Variants in PPM1H observed in about 807,000 individuals in gnomAD.
The protein encoded by PPM1H is protein phosphatase 1H.
A neutral mutation model predicts 54.9 loss-of-function variants in PPM1H; 27 were observed. The observed-to-expected ratio is 0.49, with a 90% CI of 0.36 to 0.68. PPM1H has a LOEUF of 0.68. Ranked by LOEUF, PPM1H falls within the 30% of genes least tolerant of loss-of-function variation. PPM1H has a pLI of 0.00. For missense variants in PPM1H, 596 were observed against 667.8 expected (o/e 0.89, Z 1.19); for synonymous variants, 305 against 270.8 (o/e 1.13, Z -1.24).
chr12:62,694,606 C>A (rs1274150610), intron 6 of PPM1H, among the ~76,000 whole-genome samples: 1 of 152,224 alleles, frequency 6.6e-6, no homozygotes, highest in African/African-American at 2.4e-5. Flanking sequence ...CCACAGCCTG[C>A]ACAGCGGAGG....
chr12:62,932,098 T>A (rs1872156580), intron 1 of PPM1H, among the ~76,000 whole-genome samples: 1 of 151,584 alleles, frequency 6.6e-6, no homozygotes, highest in African/African-American at 2.4e-5. Context: ...TTTTTTTTTT[T>A]TAAATAGGTC....
chr12:62,673,132 T>G lies in PPM1H; in HGVS notation c.1246-5803A>C, dbSNP rs866069946. Among the ~76,000 whole-genome samples, 3 of 152,264 alleles carry G rather than the reference T, an allele frequency of 2.0e-5. No individual in the cohort carries two copies. The Middle Eastern group carries it at 0.01, about 518-fold the overall frequency. On this transcript the variant is annotated intron_variant, in intron 8 of 9. Transcript: ENST00000228705. ...TGGAGCTGCCAATAAACATTCAGTG[T>G]GGGGGAGCAGGAATAAGTCTGGGGG... is the stretch of plus-strand genomic sequence containing the variant.
intron 4 of PPM1H, among the ~76,000 whole-genome samples, chr12:62,782,757 C>G (rs1272339225): frequency 6.6e-6 from 1 of 152,168 alleles, no homozygotes; most frequent in Non-Finnish European, 1.5e-5. Context: ...TGGTAGTAAT[C>G]ATTTATAGAA....
intron 8 of PPM1H, among the ~76,000 whole-genome samples, chr12:62,676,323 G>T (rs767600550): frequency 6.6e-6 from 1 of 152,222 alleles, no homozygotes; most frequent in Non-Finnish European, 1.5e-5. Context: ...GTCTGGACCA[G>T]CTGCTGCAAA....
chr12:62,771,295 G>GACACACACACACACACAC (rs4026219), intron 4 of PPM1H, among the ~76,000 whole-genome samples: 6 of 131,876 alleles, frequency 4.5e-5, no homozygotes, highest in Non-Finnish European at 8.1e-5. Context: ...ACTTTGTGAA[G>GACACACACACACACACAC]ACACACACAC....
At chr12:62,786,572 A>T (rs552215642) in intron 4 of PPM1H, among the ~76,000 whole-genome samples, 2 of 152,304 alleles carry the variant, frequency 1.3e-5, no homozygotes, top group South Asian at 4.2e-4. Context: ...GTCCCTCATT[A>T]GTGGCTCCCA....
chr12:62,932,961 A>G (rs1343834701), intron 1 of PPM1H, among the ~76,000 whole-genome samples: 1 of 151,186 alleles, frequency 6.6e-6, no homozygotes, highest in Non-Finnish European at 1.5e-5. Flanking sequence ...TAACGTTTTT[A>G]TTTCAGTCAA....
At chr12:62,795,316 G>A (rs1404549627) in intron 3 of PPM1H, among the ~76,000 whole-genome samples, 2 of 151,902 alleles carry the variant, frequency 1.3e-5, no homozygotes, top group South Asian at 2.1e-4. Flanking sequence ...TTTTAACAGT[G>A]TATCCCTTTT....
intron 6 of PPM1H, among the ~76,000 whole-genome samples, chr12:62,714,196 G>A: frequency 6.6e-6 from 1 of 152,118 alleles, no homozygotes; most frequent in Admixed American, 6.5e-5. Flanking sequence ...ACTGAGATGT[G>A]GCTAGGGCAA....
chr12:62,697,196 G>A (rs1168422387), intron 6 of PPM1H, among the ~76,000 whole-genome samples: 5 of 151,404 alleles, frequency 3.3e-5, no homozygotes, highest in Middle Eastern at 6.8e-3. Context: ...GTGCGATCTC[G>A]GCTCACTGCA....
At chr12:62,918,964 T>C (rs1871707192) in intron 1 of PPM1H, among the ~76,000 whole-genome samples, 1 of 152,200 alleles carries the variant, frequency 6.6e-6, no homozygotes, top group South Asian at 2.1e-4. Flanking sequence ...ACCAATGCCT[T>C]CCTCCACTTT....
intron 5 of PPM1H, among the ~76,000 whole-genome samples, chr12:62,725,857 T>C (rs2076286870): frequency 6.6e-6 from 1 of 152,180 alleles, no homozygotes; most frequent in Non-Finnish European, 1.5e-5. Flanking sequence ...AGACGTGTCT[T>C]AGTTCTGAGG....
At chr12:62,814,380 G>C (rs1403107853) in intron 2 of PPM1H, among the ~76,000 whole-genome samples, 1 of 151,898 alleles carries the variant, frequency 6.6e-6, no homozygotes, top group East Asian at 1.9e-4. Flanking sequence ...CACCACACCT[G>C]GCTAATTTTT....
intron 1 of PPM1H, among the ~76,000 whole-genome samples, chr12:62,919,109 T>C (rs144697849): frequency 2.4e-3 from 370 of 152,374 alleles, no homozygotes; most frequent in African/African-American, 8.4e-3. Flanking sequence ...AGCATGAGTT[T>C]AATTAAACTT....
chr12:62,755,220 C>T (rs995754754), intron 4 of PPM1H: 3 of 683,810 alleles, frequency 4.4e-6, no homozygotes, highest in Non-Finnish European at 8.1e-6. Flanking sequence ...ATCCCTGAGA[C>T]ACTACGGTGA....
At chr12:62,916,112 C>T (rs1871613828) in intron 1 of PPM1H, among the ~76,000 whole-genome samples, 1 of 152,198 alleles carries the variant, frequency 6.6e-6, no homozygotes, top group Non-Finnish European at 1.5e-5. Flanking sequence ...CAATGTCTCC[C>T]CTGCTAACTT....
At chr12:62,870,590 A>G (rs1464078989) in intron 1 of PPM1H, among the ~76,000 whole-genome samples, 1 of 152,232 alleles carries the variant, frequency 6.6e-6, no homozygotes, top group African/African-American at 2.4e-5. Flanking sequence ...CATGCTGAAT[A>G]GGGGAGAAAA....
chr12:62,685,145 T>C (rs2076044393), intron 8 of PPM1H, among the ~76,000 whole-genome samples: 1 of 152,114 alleles, frequency 6.6e-6, no homozygotes, highest in African/African-American at 2.4e-5. Context: ...AGCTAAATTA[T>C]AGGTGCACAG....
At chr12:62,780,896 A>G (rs1592595711) in intron 4 of PPM1H, among the ~76,000 whole-genome samples, 1 of 152,330 alleles carries the variant, frequency 6.6e-6, no homozygotes, top group East Asian at 1.9e-4. Context: ...AGAAAAGGTG[A>G]CTATCTCGAT....
Sources: gnomAD v4.1 joint callset for allele counts (sites outside exome capture counted in the v4.1 genomes callset) on GRCh38, gnomAD v4.1.1 for gene constraint, MANE v1.5 for transcripts, NCBI Gene and HGNC (gene_info 2026-07-23, HGNC 2026-07-21) for gene names.